GREM2: variants seen among roughly 807,000 people sequenced by gnomAD.
The protein encoded by GREM2 is gremlin 2, DAN family BMP antagonist, also known as gremlin-2.
Under a neutral mutation model 14.2 loss-of-function variants are expected in GREM2, and 11 were observed. That is an observed-to-expected ratio of 0.78 (90% CI 0.49 to 1.28). The LOEUF (loss-of-function observed/expected upper bound fraction) is 1.28, where lower values mean the gene tolerates loss of function less well. GREM2 is among the 50% of genes most tolerant of loss of function. The pLI, the probability that GREM2 is intolerant of heterozygous loss-of-function variation, is 0.00. For synonymous variants in GREM2, 98 were observed against 97.6 expected (o/e 1.00, Z -0.02); for missense variants, 210 against 218.5 (o/e 0.96, Z 0.24).
rs80285190 is a variant in GREM2 at position 240,539,760 on chromosome 1, C to T, written c.-1-46284G>A. Among the ~76,000 whole-genome samples, 826 of 152,236 alleles carry T rather than the reference C, an allele frequency of 5.4e-3. 14 individuals carry two copies. The highest frequency in any genetic ancestry group is 0.019 in the African/African-American group (784 of 41,544). On this transcript the variant is annotated intron_variant, in intron 1 of 1. Transcript: ENST00000318160. ...CGGATGAAGTGGAGATTTTAAACTG[C>T]AATGTTATTGTAAATTTTCCAGTAA...
At position 240,520,020 on chromosome 1, in the gene GREM2, C is replaced by T. The variant is rs570388050; in HGVS notation, c.-1-26544G>A. 1.1e-3 allele frequency among the ~76,000 whole-genome samples: 173 copies of T among 151,762 alleles called. 1 individual carries two copies. The highest frequency in any genetic ancestry group is 3.1e-3 in the South Asian group (15 of 4,816). ...GCTTGAACCCGAGAGACGGAGGTTG[C>T]GGTGAGCCAGGATTGTGCCATTGCA... On this transcript the variant is annotated intron_variant, in intron 1 of 1. Transcript: ENST00000318160.
intron 1 of GREM2, among the ~76,000 whole-genome samples, chr1:240,606,007 A>C (rs1180041262): frequency 6.6e-6 from 1 of 152,124 alleles, no homozygotes; most frequent in African/African-American, 2.4e-5. Flanking sequence ...ATAACACAAG[A>C]CAAAAAGAAA....
chr1:240,542,583 C>G lies in GREM2; in HGVS notation c.-1-49107G>C, dbSNP rs1678616452. On this transcript the variant is annotated intron_variant, in intron 1 of 1. Coordinates refer to ENST00000318160, the MANE Select transcript of GREM2 (RefSeq NM_022469.4). The surrounding 1 kb of genome is among the most constrained non-coding windows in gnomAD (Gnocchi z 4.1). ...TGAGCCAAGATTGTGCCCCTGCACT[C>G]CAGCCTAGTGACAGAGCGAGACTCC... Among the ~76,000 whole-genome samples the G allele has an allele frequency of 6.6e-6, 1 of 151,782 alleles. No homozygotes were observed. Among genetic ancestry groups the G allele is most frequent in the Admixed American group, 6.6e-5 (1 of 15,236 alleles).
At chr1:240,553,009 A>G (rs1243725658) in intron 1 of GREM2, among the ~76,000 whole-genome samples, 1 of 152,184 alleles carries the variant, frequency 6.6e-6, no homozygotes, top group Non-Finnish European at 1.5e-5. Flanking sequence ...TTTTTAAGAA[A>G]GGAATTCAGT....
chr1:240,542,337 C>T lies in GREM2; in HGVS notation c.-1-48861G>A, dbSNP rs938824002. On this transcript the variant is annotated intron_variant, in intron 1 of 1. Coordinates refer to ENST00000318160, the MANE Select transcript of GREM2 (RefSeq NM_022469.4). The surrounding 1 kb of genome is among the most constrained non-coding windows in gnomAD (Gnocchi z 4.1). The stretch of plus-strand genomic sequence containing the variant: ...GAGCTGAGCCGGGCACGGTGGCTCA[C>T]GGCTCACGTCTAATCCCAGTACTTT... Among the ~76,000 whole-genome samples the T allele has an allele frequency of 1.1e-4, 17 of 151,560 alleles. No homozygotes were observed. Among genetic ancestry groups the T allele is most frequent in the Non-Finnish European group, 2.1e-4 (14 of 67,942 alleles).
chr1:240,534,901 C>A (rs559290378), intron 1 of GREM2, among the ~76,000 whole-genome samples: 1 of 151,922 alleles, frequency 6.6e-6, no homozygotes, highest in Admixed American at 6.6e-5. Flanking sequence ...AATTTGGTGA[C>A]GCCAGATACT....
At chr1:240,567,827 G>A (rs1392345923) in intron 1 of GREM2, among the ~76,000 whole-genome samples, 1 of 152,152 alleles carries the variant, frequency 6.6e-6, no homozygotes, top group Non-Finnish European at 1.5e-5. Flanking sequence ...AATAAAAGCA[G>A]GCCAACTGCA....
rs372456792 is a variant in GREM2, at chr1:240,566,874, T to G, written c.-2+45010A>C. Among the ~76,000 whole-genome samples, 4 of 152,084 alleles carry G rather than the reference T, an allele frequency of 2.6e-5. 1 individual carries two copies. The South Asian group carries it at 8.3e-4, about 32-fold the overall frequency. On this transcript the variant is annotated intron_variant, in intron 1 of 1. Transcript: ENST00000318160. ...AACAAAACAAAAACCCAGGAAAGTA[T>G]GAACCATAGTGAAGAGACAAAGCAA...
At chr1:240,610,512 A>G (rs141408864) in intron 1 of GREM2, among the ~76,000 whole-genome samples, 2 of 152,168 alleles carry the variant, frequency 1.3e-5, no homozygotes, top group African/African-American at 4.8e-5. Context: ...GAAACAAAAA[A>G]CAAACAAACA....
intron 1 of GREM2, among the ~76,000 whole-genome samples, chr1:240,521,676 T>C (rs991672768): frequency 6.6e-6 from 1 of 152,206 alleles, no homozygotes; most frequent in Non-Finnish European, 1.5e-5. Context: ...GAATATTTTC[T>C]ATTCACACTA....
intron 1 of GREM2, among the ~76,000 whole-genome samples, chr1:240,498,581 C>A (rs866213112): frequency 5.3e-5 from 8 of 152,150 alleles, no homozygotes; most frequent in African/African-American, 1.9e-4. Flanking sequence ...AGAGAACGTC[C>A]GTTCTCTTGC....
At chr1:240,534,371 A>G (rs1404208395) in intron 1 of GREM2, among the ~76,000 whole-genome samples, 2 of 152,206 alleles carry the variant, frequency 1.3e-5, no homozygotes, top group East Asian at 1.9e-4. Flanking sequence ...TTCTGCTCTA[A>G]GAGAGACATC....
intron 1 of GREM2, among the ~76,000 whole-genome samples, chr1:240,601,354 A>T (rs1679918767): frequency 6.6e-6 from 1 of 152,190 alleles, no homozygotes; most frequent in South Asian, 2.1e-4. Flanking sequence ...CCTCTGTTTG[A>T]CTACCCACCC....
At chr1:240,610,848 T>C (rs1680118421) in intron 1 of GREM2, among the ~76,000 whole-genome samples, 1 of 152,170 alleles carries the variant, frequency 6.6e-6, no homozygotes, top group Admixed American at 6.5e-5. Context: ...CAGAGCCACA[T>C]GAATACCAGC....
At chr1:240,550,112 TC>T (rs1202184520) in intron 1 of GREM2, 2 of 152,186 alleles carry the variant, frequency 1.3e-5, no homozygotes, top group African/African-American at 4.8e-5. Context: ...ATCTCCCGCC[TC>T]CCGGGTTCAA....
chr1:240,578,203 G>A (rs1420509771), intron 1 of GREM2, among the ~76,000 whole-genome samples: 8 of 152,078 alleles, frequency 5.3e-5, no homozygotes, highest in Admixed American at 5.2e-4. Context: ...TCGGCTCACT[G>A]CAACCTCTGC....
chr1:240,581,882 G>A (rs1320868621), intron 1 of GREM2, among the ~76,000 whole-genome samples: 1 of 152,192 alleles, frequency 6.6e-6, no homozygotes, highest in African/African-American at 2.4e-5. Flanking sequence ...CCAAAATAAA[G>A]TCATACAAGT....
intron 1 of GREM2, among the ~76,000 whole-genome samples, chr1:240,551,256 A>G (rs1239196672): frequency 6.6e-6 from 1 of 152,168 alleles, no homozygotes; most frequent in Non-Finnish European, 1.5e-5. Context: ...CAAAGCCCTG[A>G]CATCTGAAAA....
At position 240,535,218 on chromosome 1, in the gene GREM2, C is replaced by T. The variant is rs531438349; in HGVS notation, c.-1-41742G>A. On this transcript the variant is annotated intron_variant, in intron 1 of 1. Transcript: ENST00000318160. ...GTGTATGTTATATCCATTATACCCACGATAACAATCTGAGTTGATATGAAC... is the reference window on the plus strand; with the variant it reads ...GTGTATGTTATATCCATTATACCCATGATAACAATCTGAGTTGATATGAAC... Among the ~76,000 whole-genome samples the T allele has an allele frequency of 9.9e-5, 15 of 152,174 alleles. No homozygotes were observed. In the South Asian group the frequency reaches 2.9e-3, roughly 29 times the overall value.
Sources: gnomAD v4.1 joint callset for allele counts (sites outside exome capture counted in the v4.1 genomes callset) on GRCh38, gnomAD v4.1.1 for gene constraint, Gnocchi (gnomAD v3.1) non-coding constraint, MANE v1.5 for transcripts, NCBI Gene and HGNC (gene_info 2026-07-23, HGNC 2026-07-21) for gene names.